The following NALF1 variants were observed in gnomAD, a reference collection of about 807,000 sequenced individuals.
The protein encoded by NALF1 is NALCN channel auxiliary factor 1.
NALF1 carries 3 observed loss-of-function variants against 48.4 expected under a neutral mutation model. The observed-to-expected ratio is 0.06, with a 90% CI of 0.03 to 0.16. The LOEUF (loss-of-function observed/expected upper bound fraction) is 0.16. Ranked by LOEUF, NALF1 falls within the 10% of genes least tolerant of loss-of-function variation. The probability of loss-of-function intolerance (pLI) is 1.00; values close to 1 mark genes in which losing one functional copy is unlikely to be tolerated. For synonymous variants in NALF1, 262 were observed against 245.7 expected, an observed-to-expected ratio of 1.07 and a Z score of -0.62; for missense variants, 526 against 571.5, an observed-to-expected ratio of 0.92 and a Z score of 0.81.
chr13:107,579,880 T>A (rs891954717), intron 1 of NALF1, among the ~76,000 whole-genome samples: 1 of 151,962 alleles, frequency 6.6e-6, no homozygotes, highest in African/African-American at 2.4e-5. Context: ...ATTGTGGAAG[T>A]CAGTGTGGCG....
At chr13:107,299,041 ATTCT>A (rs1375704543) in intron 1 of NALF1, among the ~76,000 whole-genome samples, 1 of 151,952 alleles carries the variant, frequency 6.6e-6, no homozygotes, top group African/African-American at 2.4e-5. Context: ...GACAATTTTC[ATTCT>A]TTCTTTATCT....
intron 1 of NALF1, among the ~76,000 whole-genome samples, chr13:107,318,547 C>T (rs776757349): frequency 1.3e-5 from 2 of 151,966 alleles, no homozygotes; most frequent in Non-Finnish European, 2.9e-5. Context: ...AATTAAAAAG[C>T]CTATATACTT....
intron 1 of NALF1, among the ~76,000 whole-genome samples, chr13:107,325,644 G>A (rs1268400385): frequency 1.3e-5 from 2 of 151,578 alleles, no homozygotes; most frequent in Non-Finnish European, 2.9e-5. Context: ...TCAAGACCAG[G>A]CTGGCCAATA....
At position 107,846,762 on chromosome 13, in the gene NALF1, C is replaced by T. The variant is rs375455458; in HGVS notation, c.915+18920G>A. Reference sequence around the variant, plus strand: ...AAAGGCAGTTGTCCTAAAGTGCCTTCGTGTTTATTTCAAATCCCATTGCTG... The same window carrying T: ...AAAGGCAGTTGTCCTAAAGTGCCTTTGTGTTTATTTCAAATCCCATTGCTG... On this transcript the variant is annotated intron_variant, in intron 1 of 2. Transcript: ENST00000375915. Among the ~76,000 whole-genome samples, 5 of 152,258 alleles carry T rather than the reference C, an allele frequency of 3.3e-5. No individual in the cohort carries two copies. The East Asian group carries it at 5.8e-4, about 18-fold the overall frequency.
chr13:107,206,641 AG>A (rs1360921624), intron 2 of NALF1, among the ~76,000 whole-genome samples: 3 of 152,162 alleles, frequency 2.0e-5, no homozygotes, highest in African/African-American at 4.8e-5. Flanking sequence ...TAGGAATCCT[AG>A]GTATCAGTAT....
intron 1 of NALF1, among the ~76,000 whole-genome samples, chr13:107,278,696 T>C (rs984314379): frequency 1.3e-5 from 2 of 152,246 alleles, no homozygotes; most frequent in African/African-American, 4.8e-5. Context: ...GTTTGTTTTT[T>C]TAAAAATCTG....
intron 1 of NALF1, among the ~76,000 whole-genome samples, chr13:107,634,158 C>T (rs1879911914): frequency 6.6e-6 from 1 of 151,966 alleles, no homozygotes; most frequent in Non-Finnish European, 1.5e-5. Flanking sequence ...AGCATTTATT[C>T]ACCAGAAAAA....
At chr13:107,183,427 T>C (rs1171650250) in intron 2 of NALF1, among the ~76,000 whole-genome samples, 14 of 152,236 alleles carry the variant, frequency 9.2e-5, no homozygotes, top group East Asian at 3.9e-4. Context: ...TTGTGAAAGA[T>C]AGTGTGGCTA....
intron 2 of NALF1, among the ~76,000 whole-genome samples, chr13:107,188,564 C>A (rs1879223029): frequency 6.6e-6 from 1 of 152,016 alleles, no homozygotes; most frequent in South Asian, 2.1e-4. Context: ...CATTTATAAA[C>A]AAGTAGTTTT....
intron 1 of NALF1, among the ~76,000 whole-genome samples, chr13:107,215,967 A>T (rs2138810215): frequency 6.6e-6 from 1 of 152,342 alleles, no homozygotes; most frequent in South Asian, 2.1e-4. Flanking sequence ...AGCCTGCTGA[A>T]AAAATATCAT....
chr13:107,752,911 T>C (rs1376565256), intron 1 of NALF1, among the ~76,000 whole-genome samples: 2 of 152,176 alleles, frequency 1.3e-5, no homozygotes, highest in Non-Finnish European at 2.9e-5. Flanking sequence ...AAAGGAACCA[T>C]GCTTTTGATC....
intron 1 of NALF1, among the ~76,000 whole-genome samples, chr13:107,642,543 AT>A (rs1253984579): frequency 6.6e-6 from 1 of 152,202 alleles, no homozygotes; most frequent in Non-Finnish European, 1.5e-5. Flanking sequence ...TCAATTCTTG[AT>A]ATTTAGCTAT....
intron 1 of NALF1, among the ~76,000 whole-genome samples, chr13:107,826,044 G>C (rs1209824577): frequency 2.0e-5 from 3 of 152,220 alleles, no homozygotes; most frequent in Admixed American, 6.5e-5. Context: ...CTCCCAAAGT[G>C]CTGGGATTAC....
At chr13:107,812,824 A>C (rs1486099691) in intron 1 of NALF1, among the ~76,000 whole-genome samples, 1 of 152,016 alleles carries the variant, frequency 6.6e-6, no homozygotes, top group Non-Finnish European at 1.5e-5. Flanking sequence ...AGTTTGAGAC[A>C]GGGTCTCGCT....
At chr13:107,730,641 C>T (rs916622052) in intron 1 of NALF1, among the ~76,000 whole-genome samples, 1 of 152,102 alleles carries the variant, frequency 6.6e-6, no homozygotes, top group African/African-American at 2.4e-5. Context: ...ATTTTTACAT[C>T]ACATGGAAGT....
chr13:107,299,735 T>A (rs1270582781), intron 1 of NALF1, among the ~76,000 whole-genome samples: 2 of 152,076 alleles, frequency 1.3e-5, no homozygotes, highest in Non-Finnish European at 2.9e-5. Context: ...TGTATTTGAA[T>A]AACGTTGTTG....
At chr13:107,751,578 A>G (rs1876938516) in intron 1 of NALF1, among the ~76,000 whole-genome samples, 1 of 152,238 alleles carries the variant, frequency 6.6e-6, no homozygotes, top group African/African-American at 2.4e-5. Flanking sequence ...AATTAATGTT[A>G]ATGGACTTTT....
At chr13:107,394,274 C>T (rs1883673355) in intron 1 of NALF1, among the ~76,000 whole-genome samples, 1 of 152,208 alleles carries the variant, frequency 6.6e-6, no homozygotes, top group African/African-American at 2.4e-5. Flanking sequence ...AATATTTCCA[C>T]AGCTTTCAGA....
intron 1 of NALF1, among the ~76,000 whole-genome samples, chr13:107,703,471 G>A (rs548562137): frequency 2.0e-5 from 3 of 150,430 alleles, no homozygotes; most frequent in Non-Finnish European, 3.0e-5. Context: ...TCAGCCTCCC[G>A]AGTAGCTGGG....
Sources: gnomAD v4.1 joint callset for allele counts (sites outside exome capture counted in the v4.1 genomes callset) on GRCh38, gnomAD v4.1.1 for gene constraint, MANE v1.5 for transcripts, NCBI Gene and HGNC (gene_info 2026-07-23, HGNC 2026-07-21) for gene names.